The following DCT variants were observed in gnomAD, a reference collection of about 807,000 sequenced individuals.
DCT encodes dopachrome tautomerase, also known as L-dopachrome tautomerase.
Under a neutral mutation model 53.0 loss-of-function variants are expected in DCT, and 47 were observed. That is an observed-to-expected ratio of 0.89 (90% CI 0.70 to 1.13). The LOEUF (loss-of-function observed/expected upper bound fraction) is 1.13. DCT is among the 50% of genes most tolerant of loss of function. The pLI is 0.00. For missense variants in DCT, 669 were observed against 637.4 expected (o/e 1.05, Z -0.53); for synonymous variants, 244 against 237.0 (o/e 1.03, Z -0.27).
At chr13:94,515,446 G>A in the DCT span, among the ~76,000 whole-genome samples, 2 of 152,202 alleles carry the variant, frequency 1.3e-5, no homozygotes, top group African/African-American at 4.8e-5. Flanking sequence ...GGATGCGGAA[G>A]GTGAGGAACA....
chr13:94,518,154 G>C, the DCT span, among the ~76,000 whole-genome samples: 1 of 114,162 alleles, frequency 8.8e-6, no homozygotes, highest in Non-Finnish European at 1.9e-5. Context: ...AGGAAGGAAG[G>C]AATGAAGGAA....
At chr13:94,469,336 G>A (rs535361986) in intron 1 of DCT, among the ~76,000 whole-genome samples, 1 of 152,260 alleles carries the variant, frequency 6.6e-6, no homozygotes, top group African/African-American at 2.4e-5. Context: ...AGTATACCTC[G>A]TATGTGACTA....
the DCT span, among the ~76,000 whole-genome samples, chr13:94,508,816 C>T: frequency 3.4e-3 from 523 of 152,312 alleles, 1 homozygote; most frequent in Non-Finnish European, 5.3e-3. Flanking sequence ...TGCCTCAGAA[C>T]TTTCTGAGCT....
the DCT span, among the ~76,000 whole-genome samples, chr13:94,508,914 C>T: frequency 9.2e-5 from 14 of 152,144 alleles, no homozygotes; most frequent in South Asian, 2.1e-4. Context: ...TTAAATTAAA[C>T]GACTTTGAAA....
the DCT span, among the ~76,000 whole-genome samples, chr13:94,493,772 C>T: frequency 5.4e-3 from 818 of 152,152 alleles, 8 homozygotes; most frequent in African/African-American, 0.018. Context: ...TGGAATGCAG[C>T]GGGTTTTTAG....
chr13:94,510,662 A>T, the DCT span, among the ~76,000 whole-genome samples: 2 of 152,246 alleles, frequency 1.3e-5, 1 homozygote, highest in South Asian at 4.1e-4. Context: ...TATTTCTAGC[A>T]GACAGAGCTG....
At chr13:94,478,833 A>T in intron 1 of DCT, 128 bp downstream of exon 1, 1 of 920,716 alleles carries the variant, frequency 1.1e-6, no homozygotes, top group Non-Finnish European at 1.6e-6. Flanking sequence ...GCTTCCGACC[A>T]AAACCATCAT....
chr13:94,487,377 G>T, the DCT span, among the ~76,000 whole-genome samples: 1 of 152,184 alleles, frequency 6.6e-6, no homozygotes, highest in African/African-American at 2.4e-5. Context: ...CTTTCATTTT[G>T]CATGCCGGCA....
chr13:94,475,629 G>A (rs561438657), intron 1 of DCT, among the ~76,000 whole-genome samples: 6 of 152,214 alleles, frequency 3.9e-5, no homozygotes, highest in South Asian at 2.1e-4. Flanking sequence ...TAAGGCATTC[G>A]GCACTTAAAA....
intron 6 of DCT, chr13:94,444,301 A>G (rs1432806142): frequency 2.4e-6 from 1 of 418,758 alleles, no homozygotes; most frequent in East Asian, 6.2e-5. Flanking sequence ...CAAGCATTTC[A>G]GATAAGTGAT....
the DCT span, among the ~76,000 whole-genome samples, chr13:94,549,007 G>A: frequency 6.6e-6 from 1 of 151,388 alleles, no homozygotes; most frequent in African/African-American, 2.4e-5. Context: ...AACCACCGGT[G>A]CAGACCCTGG....
At chr13:94,542,916 T>C in the DCT span, among the ~76,000 whole-genome samples, 1 of 152,112 alleles carries the variant, frequency 6.6e-6, no homozygotes, top group Non-Finnish European at 1.5e-5. Flanking sequence ...CTGTTCACGG[T>C]GGGAAAACAG....
the DCT span, among the ~76,000 whole-genome samples, chr13:94,519,687 G>C: frequency 6.6e-6 from 1 of 152,178 alleles, no homozygotes; most frequent in Non-Finnish European, 1.5e-5. Context: ...ATCTGCTGAA[G>C]ATGTCCTTTT....
chr13:94,546,199 T>C, the DCT span, among the ~76,000 whole-genome samples: 1,653 of 152,250 alleles, frequency 0.011, 27 homozygotes, highest in African/African-American at 0.037. The surrounding 1 kb of genome is among the most constrained non-coding windows in gnomAD (Gnocchi z 4.2). Context: ...TCAGGAAGGA[T>C]AGGGCCAGTG....
chr13:94,515,271 G>T, the DCT span, among the ~76,000 whole-genome samples: 1 of 152,146 alleles, frequency 6.6e-6, no homozygotes, highest in East Asian at 1.9e-4. Context: ...AGTTCAAGGG[G>T]GATACAGAAG....
the DCT span, among the ~76,000 whole-genome samples, chr13:94,490,483 C>T: frequency 2.3e-4 from 25 of 109,192 alleles, no homozygotes; most frequent in African/African-American, 5.8e-4. Context: ...CTAGTCTGGG[C>T]GACAGAGCAA....
In DCT at chr13:94,452,744, A is replaced by G. The variant is rs567832122; in HGVS notation, c.1179+7347T>C. ...ACATTTCAGGATAAATCCATGCAAA[A>G]GAATACTATACAGCTATAAAAAAAG... On this transcript the variant is annotated intron_variant, in intron 6 of 7. Transcript: ENST00000377028. 173 of 635,854 alleles carry G rather than the reference A, an allele frequency of 2.7e-4. No homozygotes were observed. The African/African-American group carries it at 2.9e-3, about 11-fold the overall frequency. 39.4% of individuals were successfully genotyped at this position (635,854 alleles called of 1,614,324 possible).
intron 6 of DCT, among the ~76,000 whole-genome samples, chr13:94,451,898 T>C (rs886728589): frequency 2.0e-5 from 3 of 151,568 alleles, no homozygotes; most frequent in Non-Finnish European, 4.4e-5. Context: ...TCCCTAATTC[T>C]GACTTTTTTG....
chr13:94,474,589 G>A (rs1313181545), intron 1 of DCT, among the ~76,000 whole-genome samples: 2 of 152,160 alleles, frequency 1.3e-5, no homozygotes, highest in African/African-American at 2.4e-5. Flanking sequence ...TATTTGGTGC[G>A]CAAGTTTTTC....
Sources: gnomAD v4.1 joint callset for allele counts (sites outside exome capture counted in the v4.1 genomes callset) on GRCh38, gnomAD v4.1.1 for gene constraint, Gnocchi (gnomAD v3.1) non-coding constraint, MANE v1.5 for transcripts, NCBI Gene and HGNC (gene_info 2026-07-23, HGNC 2026-07-21) for gene names.